The following RFX7 variants were observed in gnomAD, a reference collection of about 807,000 sequenced individuals.
The protein encoded by RFX7 is regulatory factor X7, also known as DNA-binding protein RFX7.
RFX7 carries 26 observed loss-of-function variants against 111.8 expected under a neutral mutation model. That is an observed-to-expected ratio of 0.23 (90% CI 0.17 to 0.32). RFX7 has a LOEUF of 0.32. Among genes scored for constraint, RFX7 ranks in the 10% least tolerant of loss-of-function variants. The probability of loss-of-function intolerance (pLI) is 1.00; values close to 1 mark genes in which losing one functional copy is unlikely to be tolerated. For synonymous variants in RFX7, 624 were observed against 624.4 expected (o/e 1.00, Z 0.01); for missense variants, 1,573 against 1,772.9 (o/e 0.89, Z 2.02).
intron 2 of RFX7, among the ~76,000 whole-genome samples, chr15:56,187,726 G>A (rs2043057273): frequency 6.6e-6 from 1 of 152,176 alleles, no homozygotes; most frequent in African/African-American, 2.4e-5. Flanking sequence ...TTCACAAAAA[G>A]AAACAGCTGG....
chr15:56,243,064 C>CCCCCCAAGG, intron 2 of RFX7, 61 bp downstream of exon 2: 1 of 1,128,234 alleles, frequency 8.9e-7, no homozygotes. Flanking sequence ...CCGCCCCCCA[C>CCCCCCAAGG]CCACTTTGCA....
chr15:56,145,914 A>G (rs1018198806), intron 3 of RFX7, among the ~76,000 whole-genome samples: 1 of 152,234 alleles, frequency 6.6e-6, no homozygotes, highest in East Asian at 1.9e-4. Flanking sequence ...AACCTATACT[A>G]TGTATCACAA....
chr15:56,213,082 G>A (rs1005640812), intron 2 of RFX7, among the ~76,000 whole-genome samples: 3 of 152,130 alleles, frequency 2.0e-5, no homozygotes, highest in Non-Finnish European at 2.9e-5. Context: ...AATGTAACAT[G>A]GTACAGACAT....
chr15:56,188,973 C>T (rs1356555935), intron 2 of RFX7, among the ~76,000 whole-genome samples: 1 of 152,172 alleles, frequency 6.6e-6, no homozygotes, highest in Non-Finnish European at 1.5e-5. Context: ...GCTACGCCAC[C>T]ATGCCCAGCT....
At chr15:56,208,499 C>G (rs948970358) in intron 2 of RFX7, among the ~76,000 whole-genome samples, 1 of 152,112 alleles carries the variant, frequency 6.6e-6, no homozygotes, top group African/African-American at 2.4e-5. Context: ...GTAACTCGCA[C>G]CTGGTTATTA....
intron 3 of RFX7, among the ~76,000 whole-genome samples, chr15:56,159,832 C>T (rs2042700133): frequency 6.6e-6 from 1 of 152,072 alleles, no homozygotes; most frequent in South Asian, 2.1e-4. Context: ...GACCTTTAAG[C>T]AGATGGTAAG....
In RFX7 at chr15:56,090,627, G is replaced by T. The variant is rs1320176567; in HGVS notation, c.*2718C>A. The T allele has an allele frequency of 6.6e-6, 1 of 152,458 alleles. No homozygotes were observed. Among genetic ancestry groups the T allele is most frequent in the East Asian group, 1.9e-4 (1 of 5,202 alleles). The allele number at this position is 152,458 out of a possible 1,614,324, so 9.4% of individuals were successfully genotyped here. A position where few individuals can be genotyped will look rare whatever the true frequency, so the allele number is the denominator to read the frequency against. ...AAAAAAAGAGAACTGAAATGCTACCGCAATATTCAACTACTGTAGTTTCAG... is the reference window on the plus strand; with the variant it reads ...AAAAAAAGAGAACTGAAATGCTACCTCAATATTCAACTACTGTAGTTTCAG... On this transcript the variant is annotated 3_prime_UTR_variant, in exon 10 of 10. Transcript: ENST00000559447.
intron 6 of RFX7, among the ~76,000 whole-genome samples, chr15:56,102,864 A>G (rs1567007855): frequency 6.6e-6 from 1 of 152,224 alleles, no homozygotes; most frequent in Non-Finnish European, 1.5e-5. Flanking sequence ...ATGCTCTGAA[A>G]AAAAGACAAG....
intron 5 of RFX7, among the ~76,000 whole-genome samples, chr15:56,134,944 TCATCATTTTTTATGGCTG>T (rs1320640261): frequency 6.6e-6 from 1 of 152,106 alleles, no homozygotes; most frequent in East Asian, 1.9e-4. Flanking sequence ...GGACATGAAC[TCATCATTTTTTATGGCTG>T]CATAGTATTC....
chr15:56,128,139 C>A (rs2140985066), intron 5 of RFX7, among the ~76,000 whole-genome samples: 1 of 152,236 alleles, frequency 6.6e-6, no homozygotes, highest in South Asian at 2.1e-4. Context: ...AAAGTACCTA[C>A]AAAGAAAAGC....
At chr15:56,244,041 G>A (rs2043773656), upstream of RFX7, 1 of 151,144 alleles carries the variant, frequency 6.6e-6, no homozygotes, top group African/African-American at 2.4e-5. Flanking sequence ...GGGCCGGGAG[G>A]AGTCCGGCCC....
intron 3 of RFX7, among the ~76,000 whole-genome samples, chr15:56,166,256 TAG>T (rs572791181): frequency 2.2e-4 from 33 of 152,336 alleles, no homozygotes; most frequent in African/African-American, 7.9e-4. Flanking sequence ...ATCCATGAGA[TAG>T]AAATACTTCT....
chr15:56,105,717 G>C (rs2041821637), intron 5 of RFX7, among the ~76,000 whole-genome samples: 1 of 152,028 alleles, frequency 6.6e-6, no homozygotes, highest in Admixed American at 6.6e-5. Flanking sequence ...GTAATGTTAA[G>C]TATCATCGAC....
chr15:56,149,611 T>C (rs767208446), intron 3 of RFX7, among the ~76,000 whole-genome samples: 1 of 152,086 alleles, frequency 6.6e-6, no homozygotes, highest in Non-Finnish European at 1.5e-5. Flanking sequence ...TCGGGGAATT[T>C]TCCCCCCTAC....
intron 2 of RFX7, among the ~76,000 whole-genome samples, chr15:56,224,467 T>TGTGTGTGTGTG (rs111880963): frequency 3.4e-5 from 5 of 147,204 alleles, no homozygotes; most frequent in African/African-American, 1.0e-4. Context: ...GATTAGGATT[T>TGTGTGTGTGTG]TGTGTGTGTG....
At chr15:56,207,394 G>A (rs1416070361) in intron 2 of RFX7, among the ~76,000 whole-genome samples, 3 of 152,108 alleles carry the variant, frequency 2.0e-5, no homozygotes, top group Non-Finnish European at 2.9e-5. Flanking sequence ...TAATGCTACT[G>A]AACTGTTCTC....
intron 2 of RFX7, among the ~76,000 whole-genome samples, chr15:56,213,829 C>T (rs2043336120): frequency 6.6e-6 from 1 of 152,152 alleles, no homozygotes; most frequent in African/African-American, 2.4e-5. Flanking sequence ...GTATCCCTCC[C>T]TACTCTAAAA....
intron 2 of RFX7, among the ~76,000 whole-genome samples, chr15:56,231,407 GGT>G (rs1168309191): frequency 6.6e-6 from 1 of 152,124 alleles, no homozygotes; most frequent in East Asian, 1.9e-4. Context: ...CGTCTTACAT[GGT>G]GGCAGACAAG....
chr15:56,108,242 A>G lies in RFX7; in HGVS notation c.402-4572T>C, dbSNP rs1316573057. 2.0e-5 allele frequency among the ~76,000 whole-genome samples: 3 copies of G among 152,348 alleles called. No homozygotes were observed. In the East Asian group the frequency reaches 5.8e-4, roughly 29 times the overall value. On this transcript the variant is annotated intron_variant, in intron 5 of 9. Transcript: ENST00000559447. ...TCATCCTGATACCAAATCCTGGCAG[A>G]GACACAACAAAAAACTTCAGGCCAG...
Sources: gnomAD v4.1 joint callset for allele counts (sites outside exome capture counted in the v4.1 genomes callset) on GRCh38, gnomAD v4.1.1 for gene constraint, MANE v1.5 for transcripts, NCBI Gene and HGNC (gene_info 2026-07-23, HGNC 2026-07-21) for gene names.